GIGYF2: variants seen among roughly 807,000 people sequenced by gnomAD.
The protein encoded by GIGYF2 is GRB10-interacting GYF protein 2.
Under a neutral mutation model 208.1 loss-of-function variants are expected in GIGYF2, and 25 were observed. The ratio of observed to expected loss-of-function variants is 0.12; its 90% CI spans 0.09 to 0.17. The LOEUF is 0.17. Among genes scored for constraint, GIGYF2 ranks in the 10% least tolerant of loss-of-function variants. The pLI is 1.00. For synonymous variants in GIGYF2, 534 were observed against 543.8 expected, an observed-to-expected ratio of 0.98 and a Z score of 0.25; for missense variants, 1,302 against 1,579.4, an observed-to-expected ratio of 0.82 and a Z score of 2.98.
At chr2:232,816,587 A>G (rs1700918074) in intron 19 of GIGYF2, among the ~76,000 whole-genome samples, 1 of 152,206 alleles carries the variant, frequency 6.6e-6, no homozygotes, top group Non-Finnish European at 1.5e-5. Flanking sequence ...AGACAGTCAT[A>G]AAATTCTTCT....
chr2:232,762,705 T>C (rs1383027935), intron 8 of GIGYF2, among the ~76,000 whole-genome samples: 5 of 152,182 alleles, frequency 3.3e-5, no homozygotes, highest in African/African-American at 1.2e-4. Flanking sequence ...AAATTTCTCA[T>C]TTATGAATGT....
At position 232,816,900 on chromosome 2, in the gene GIGYF2, G is replaced by A. The variant is rs138148424; in HGVS notation, c.2238G>A (p.Met746Ile). The change falls in exon 20 of 29, where the codon ATG becomes ATA. Residue 746 changes from methionine to isoleucine, a missense_variant. Met to Ile is a conservative substitution (Grantham distance 10). Transcript: ENST00000373563. ...KLEQERREAE[M>I]RAKREEEERK... ...AGCAAGAGAGAAGAGAGGCAGAAAT[G>A]AGGGCAAAACGGGAAGAGGAAGAGC... 2.4e-5 allele frequency: 39 copies of A among 1,613,330 alleles called. 1 individual carries two copies. Among genetic ancestry groups the A allele is most frequent in the Non-Finnish European group, 1.9e-5 (22 of 1,179,438 alleles).
intron 2 of GIGYF2, among the ~76,000 whole-genome samples, chr2:232,710,729 G>T (rs1022149566): frequency 1.2e-4 from 15 of 126,398 alleles, no homozygotes; most frequent in African/African-American, 4.6e-4. Flanking sequence ...ATGGAATTTC[G>T]CTCTTGTTTC....
At chr2:232,781,453 T>C (rs1445213818) in intron 8 of GIGYF2, among the ~76,000 whole-genome samples, 5 of 150,564 alleles carry the variant, frequency 3.3e-5, no homozygotes, top group African/African-American at 7.3e-5. Flanking sequence ...AGATGCAGTA[T>C]AATTTTTAGT....
intron 28 of GIGYF2, among the ~76,000 whole-genome samples, chr2:232,854,810 A>G (rs926237762): frequency 2.0e-5 from 3 of 152,186 alleles, no homozygotes; most frequent in Non-Finnish European, 4.4e-5. Context: ...GAACATGAAA[A>G]AACAAGAGGC....
chr2:232,801,034 C>T (rs761006475), intron 14 of GIGYF2, among the ~76,000 whole-genome samples: 10 of 151,990 alleles, frequency 6.6e-5, no homozygotes, highest in African/African-American at 9.7e-5. Flanking sequence ...TGAGCCATTG[C>T]GCCGAGCCAA....
Position 232,845,865 on chromosome 2 carries a change from A to G in GIGYF2, c.3439A>G (p.Asn1147Asp), listed in dbSNP as rs763864843. Residue 1147 changes from asparagine (N) to aspartate (D), a missense_variant, in exon 26 of 29, where the codon AAT becomes GAT. Physicochemically the swap from Asn to Asp is conservative, Grantham distance 23. Transcript: ENST00000373563. ...GTGTGAACAGATGCTTCATGCCCTT[A>G]ATACGGCAAATAACTTGGATGGTAA... The part of the protein sequence containing the change: ...QWCEQMLHAL[N>D]TANNLDVPTF... 6.2e-7 allele frequency: 1 copy of G among 1,607,276 alleles called. No homozygotes were observed. The highest frequency in any genetic ancestry group is 8.5e-7 in the Non-Finnish European group (1 of 1,173,746).
At chr2:232,744,484 A>G (rs1251912059) in intron 3 of GIGYF2, among the ~76,000 whole-genome samples, 1 of 152,122 alleles carries the variant, frequency 6.6e-6, no homozygotes, top group African/African-American at 2.4e-5. Flanking sequence ...GGCTATTTTA[A>G]ATAGGATTTT....
intron 2 of GIGYF2, among the ~76,000 whole-genome samples, chr2:232,712,449 C>T (rs1337207180): frequency 6.6e-6 from 1 of 152,142 alleles, no homozygotes; most frequent in Non-Finnish European, 1.5e-5. Flanking sequence ...ATAAAAGTGG[C>T]TTTTCCCCCC....
intron 2 of GIGYF2, among the ~76,000 whole-genome samples, chr2:232,716,241 G>GA (rs1453692537): frequency 6.6e-6 from 1 of 151,712 alleles, no homozygotes; most frequent in Non-Finnish European, 1.5e-5. Context: ...TCTGACATTT[G>GA]AAAAAAAGCA....
At position 232,847,370 on chromosome 2, in the gene GIGYF2, G is replaced by C; in HGVS notation, c.3483G>C (p.Leu1161=). 1 of 1,612,310 alleles carries C rather than the reference G, an allele frequency of 6.2e-7. No homozygotes were observed. The highest frequency in any genetic ancestry group is 8.5e-7 in the Non-Finnish European group (1 of 1,178,708). ...CAGTTCCCACATTTGTTTCTTTCCT[G>C]AAAGAAGTAGAATCTCCTTATGAGG... ...NLDVPTFVSF[L]KEVESPYEVH... Residue 1161 remains leucine (L), a synonymous_variant, in exon 27 of 29, where the codon CTG becomes CTC. Transcript: ENST00000373563.
intron 21 of GIGYF2, among the ~76,000 whole-genome samples, chr2:232,830,109 T>A (rs986230199): frequency 6.6e-6 from 1 of 152,138 alleles, no homozygotes. Context: ...GCCTCTCAAG[T>A]ACCTGGGACT....
At chr2:232,834,501 A>G (rs1574937465) in intron 22 of GIGYF2, among the ~76,000 whole-genome samples, 1 of 152,356 alleles carries the variant, frequency 6.6e-6, no homozygotes, top group East Asian at 1.9e-4. Context: ...CAGCATTTTT[A>G]CTATGACGTG....
intron 8 of GIGYF2, among the ~76,000 whole-genome samples, chr2:232,775,986 A>G (rs1292198295): frequency 6.6e-6 from 1 of 152,204 alleles, no homozygotes; most frequent in African/African-American, 2.4e-5. Context: ...AATTTCCGCA[A>G]TAATTCCATG....
In GIGYF2 at chr2:232,796,120, C is replaced by T; in HGVS notation, c.1538C>T (p.Ala513Val). 1.2e-6 allele frequency: 2 copies of T among 1,604,120 alleles called. No homozygotes were observed. The highest frequency in any genetic ancestry group is 1.7e-6 in the Non-Finnish European group (2 of 1,170,882). ...QDSALDDERLASKLQEHRAKG... is the reference protein window; with the variant it reads ...QDSALDDERLVSKLQEHRAKG... ...AGTGCACTAGATGATGAAAGATTGG[C>T]ATCAAAACTGCAAGAGCACAGAGCT... is the stretch of plus-strand genomic sequence containing the variant. Residue 513 changes from alanine (A) to valine (V), a missense_variant, in exon 14 of 29, where the codon GCA becomes GTA. Ala to Val is a moderately conservative substitution (Grantham distance 64). Around this residue, in one of 8 missense-constraint regions of GIGYF2, gnomAD observed 69 missense variants for 132.8 expected, o/e 0.52. Transcript: ENST00000373563.
At chr2:232,808,312 T>C (rs1160125703) in intron 15 of GIGYF2, among the ~76,000 whole-genome samples, 1 of 152,214 alleles carries the variant, frequency 6.6e-6, no homozygotes, top group Admixed American at 6.5e-5. Context: ...CTTACACATC[T>C]CAGAAGCTAA....
Position 232,738,131 on chromosome 2 carries a change from G to A in GIGYF2, c.41+2893G>A, listed in dbSNP as rs192326977. Among the ~76,000 whole-genome samples the A allele has an allele frequency of 4.6e-5, 7 of 151,996 alleles. No homozygotes were observed. The East Asian group carries it at 1.4e-3, about 29-fold the overall frequency. ...GGGGTTTCACCATGTTGGCCAGGCTGGTCTCGAACTCCTGACCTCAGGTGA... is the reference window on the plus strand; with the variant it reads ...GGGGTTTCACCATGTTGGCCAGGCTAGTCTCGAACTCCTGACCTCAGGTGA... On this transcript the variant is annotated intron_variant, in intron 3 of 28. Coordinates refer to ENST00000373563, the MANE Select transcript of GIGYF2 (RefSeq NM_001103146.3).
chr2:232,749,056 C>T lies in GIGYF2; in HGVS notation c.241C>T (p.Leu81=), dbSNP rs374831276. The change falls in exon 5 of 29, where the codon CTG becomes TTG. Residue 81 remains leucine (L), a synonymous_variant. Coordinates refer to ENST00000373563, the MANE Select transcript of GIGYF2 (RefSeq NM_001103146.3). ...LQEEPLPPLA[L]VPFTEEEQRN... is the part of the protein sequence containing the mutation. ...GGAGGAACCCCTTCCACCATTGGCT[C>T]TGGTACCCTTTACAGAAGAAGAACA... 9.6e-5 allele frequency: 153 copies of T among 1,593,146 alleles called. No homozygotes were observed. Among genetic ancestry groups the T allele is most frequent in the Middle Eastern group, 1.7e-4 (1 of 6,036 alleles).
intron 2 of GIGYF2, among the ~76,000 whole-genome samples, chr2:232,718,474 A>G (rs1043214345): frequency 1.3e-5 from 2 of 152,150 alleles, no homozygotes; most frequent in East Asian, 1.9e-4. Flanking sequence ...GTTGATGTAC[A>G]TTTACATTGA....
Sources: allele counts gnomAD v4.1 joint callset (sites outside exome capture counted in the v4.1 genomes callset), GRCh38; gene constraint gnomAD v4.1.1; regional missense constraint gnomAD v4.1.1; transcripts MANE v1.5; gene names NCBI Gene and HGNC (gene_info 2026-07-23, HGNC 2026-07-21).